SLC1A2: variants seen among roughly 807,000 people sequenced by gnomAD.
SLC1A2 encodes excitatory amino acid transporter 2.
A neutral mutation model predicts 48.8 loss-of-function variants in SLC1A2; 15 were observed. That is an observed-to-expected ratio of 0.31 (90% CI 0.21 to 0.47). SLC1A2 has a LOEUF of 0.47. Ranked by LOEUF, SLC1A2 falls within the 20% of genes least tolerant of loss-of-function variation. SLC1A2 has a pLI of 0.99. For synonymous variants in SLC1A2, 279 were observed against 272.6 expected, an observed-to-expected ratio of 1.02 and a Z score of -0.23; for missense variants, 502 against 730.5, an observed-to-expected ratio of 0.69 and a Z score of 3.61.
intron 6 of SLC1A2, among the ~76,000 whole-genome samples, chr11:35,300,687 ATGAC>A (rs555632870): frequency 8.9e-4 from 136 of 152,302 alleles, no homozygotes; most frequent in African/African-American, 3.1e-3. Flanking sequence ...TGGAAAGACA[ATGAC>A]TGTGTAAAAG....
At chr11:35,374,804 A>G (rs537601741) in intron 1 of SLC1A2, among the ~76,000 whole-genome samples, 2 of 151,476 alleles carry the variant, frequency 1.3e-5, no homozygotes, top group Non-Finnish European at 3.0e-5. Context: ...TTTGTCTTAT[A>G]CTTAGTAGGG....
intron 1 of SLC1A2, among the ~76,000 whole-genome samples, chr11:35,333,659 T>C (rs997929954): frequency 6.6e-6 from 1 of 150,858 alleles, no homozygotes; most frequent in Admixed American, 6.6e-5. Flanking sequence ...TAAGTTTTTC[T>C]TTCTCTTTTT....
chr11:35,361,473 C>A (rs902781353), intron 1 of SLC1A2, among the ~76,000 whole-genome samples: 1 of 152,072 alleles, frequency 6.6e-6, no homozygotes, highest in Non-Finnish European at 1.5e-5. Context: ...GCACACAGGC[C>A]CTCTGTGTCC....
intron 1 of SLC1A2, among the ~76,000 whole-genome samples, chr11:35,354,011 A>G (rs1853365558): frequency 6.6e-6 from 1 of 152,218 alleles, no homozygotes; most frequent in African/African-American, 2.4e-5. Context: ...CCTGGCAACT[A>G]CTGAGAAAAG....
intron 5 of SLC1A2, 80 bp from the exon 6 acceptor site, chr11:35,301,725 T>C (rs1851363041): frequency 2.2e-6 from 3 of 1,357,948 alleles, no homozygotes; most frequent in Middle Eastern, 1.9e-4. Flanking sequence ...CCATTCCCAA[T>C]GTATGGAGCC....
At chr11:35,388,286 A>G (rs906054777) in intron 1 of SLC1A2, among the ~76,000 whole-genome samples, 2 of 152,272 alleles carry the variant, frequency 1.3e-5, no homozygotes, top group African/African-American at 4.8e-5. Flanking sequence ...AAGAGCAGGG[A>G]GGAAAAGTGA....
intron 1 of SLC1A2, among the ~76,000 whole-genome samples, chr11:35,357,007 C>T (rs942230022): frequency 4.0e-5 from 6 of 151,682 alleles, no homozygotes; most frequent in South Asian, 2.1e-4. Context: ...GCTGGGAGGT[C>T]GAGGCGGGCA....
intron 1 of SLC1A2, among the ~76,000 whole-genome samples, chr11:35,378,686 A>G (rs1387980120): frequency 2.0e-5 from 3 of 152,218 alleles, no homozygotes; most frequent in Admixed American, 6.5e-5. Context: ...TGTGCCTTGA[A>G]CTTACTGCTC....
At chr11:35,409,002 T>C (rs930189557) in intron 1 of SLC1A2, among the ~76,000 whole-genome samples, 1 of 152,328 alleles carries the variant, frequency 6.6e-6, no homozygotes, top group African/African-American at 2.4e-5. Context: ...TGGAATTAAT[T>C]TGTTGTGCTG....
chr11:35,295,350 A>G (rs1212345500), intron 6 of SLC1A2, among the ~76,000 whole-genome samples: 1 of 152,152 alleles, frequency 6.6e-6, no homozygotes, highest in Non-Finnish European at 1.5e-5. Context: ...AACTGCACCC[A>G]TTTTTAAAAC....
rs927926143 is a variant in SLC1A2, at chr11:35,263,274, T to C, written c.1653+2253A>G. Among the ~76,000 whole-genome samples the C allele has an allele frequency of 2.0e-5, 3 of 152,180 alleles. No homozygotes were observed. In the East Asian group the frequency reaches 5.8e-4, roughly 29 times the overall value. On this transcript the variant is annotated intron_variant, in intron 10 of 10. Coordinates refer to ENST00000278379, the MANE Select transcript of SLC1A2 (RefSeq NM_004171.4). ...TGAGGTAAGGAGTTACTGACAAGCC[T>C]GACCAACATGGAGAAACCCCATCTC...
Position 35,268,451 on chromosome 11 carries a change from C to T in SLC1A2, c.1422-2693G>A, listed in dbSNP as rs149633849. 5.0e-3 allele frequency among the ~76,000 whole-genome samples: 763 copies of T among 151,952 alleles called. 7 individuals carry two copies. The highest frequency in any genetic ancestry group is 0.017 in the African/African-American group (718 of 41,460). ...CAGCACTTTGGGAGGCTGAGGTGGG[C>T]GGATCACCTGAGGTCAGGCATTTGA... On this transcript the variant is annotated intron_variant, in intron 9 of 10. Coordinates refer to ENST00000278379, the MANE Select transcript of SLC1A2 (RefSeq NM_004171.4).
chr11:35,368,023 C>T (rs557187740), intron 1 of SLC1A2, among the ~76,000 whole-genome samples: 10 of 152,242 alleles, frequency 6.6e-5, no homozygotes, highest in Middle Eastern at 3.4e-3. Flanking sequence ...AAGTATTAGA[C>T]GGTGTTGAAG....
At chr11:35,372,267 C>T (rs76693674) in intron 1 of SLC1A2, among the ~76,000 whole-genome samples, 65 of 152,252 alleles carry the variant, frequency 4.3e-4, no homozygotes, top group Non-Finnish European at 5.4e-4. Context: ...ACCCTCCTCA[C>T]TTACAGAGCC....
At chr11:35,323,053 C>T in intron 1 of SLC1A2, 1 of 419,396 alleles carries the variant, frequency 2.4e-6, no homozygotes, top group Non-Finnish European at 4.3e-6. Flanking sequence ...TAAAGGGTGA[C>T]AGCCTCCAAA....
chr11:35,382,067 A>T (rs60768203), intron 1 of SLC1A2, among the ~76,000 whole-genome samples: 44,309 of 152,132 alleles, frequency 0.29, 6,827 homozygotes, highest in East Asian at 0.55. Flanking sequence ...CATTTTACAG[A>T]TGAAGATACT....
rs746359775 is a variant in SLC1A2 at position 35,301,600 on chromosome 11, A to G, written c.776T>C (p.Met259Thr). ...FIAFGIAMGKMGDQAKLMVDF... is the reference protein window; with the variant it reads ...FIAFGIAMGKTGDQAKLMVDF... ...CACCATCAGCTTGGCCTGATCTCCC[A>G]TCTTCCCCATAGCGATGCCAAAAGC... is the stretch of plus-strand genomic sequence containing the variant. Residue 259 changes from methionine to threonine, a missense_variant, in exon 6 of 11, where the codon ATG (methionine) becomes ACG (threonine). This residue lies in a region of SLC1A2 where 309 missense variants were observed against 480.3 expected (regional missense o/e 0.64). Transcript: ENST00000278379. 5.0e-6 allele frequency: 8 copies of G among 1,613,718 alleles called. No homozygotes were observed. Among genetic ancestry groups the G allele is most frequent in the African/African-American group, 1.3e-5 (1 of 74,922 alleles).
At chr11:35,280,601 A>G in intron 9 of SLC1A2, 1 of 408,590 alleles carries the variant, frequency 2.4e-6, no homozygotes, top group Non-Finnish European at 4.3e-6. Flanking sequence ...TGAATGCATC[A>G]GTAGCTGGTT....
intron 1 of SLC1A2, among the ~76,000 whole-genome samples, chr11:35,370,537 C>T (rs1054506628): frequency 1.3e-5 from 2 of 152,120 alleles, no homozygotes; most frequent in East Asian, 3.8e-4. Context: ...GGGGTCTTAG[C>T]AAATACTCAG....
Sources: allele counts gnomAD v4.1 joint callset (sites outside exome capture counted in the v4.1 genomes callset), GRCh38; gene constraint gnomAD v4.1.1; regional missense constraint gnomAD v4.1.1; transcripts MANE v1.5; gene names NCBI Gene and HGNC (gene_info 2026-07-23, HGNC 2026-07-21).